MDM4: variants seen among roughly 807,000 people sequenced by gnomAD.
MDM4 encodes the protein MDM4 regulator of p53.
MDM4 carries 2 observed loss-of-function variants against 60.2 expected under a neutral mutation model. The ratio of observed to expected loss-of-function variants is 0.03; its 90% CI spans 0.01 to 0.10. The LOEUF is 0.10. Ranked by LOEUF, MDM4 falls within the 10% of genes least tolerant of loss-of-function variation. MDM4 has a pLI of 1.00. For synonymous variants in MDM4, 202 were observed against 198.1 expected (o/e 1.02, Z -0.17); for missense variants, 447 against 577.5 (o/e 0.77, Z 2.32).
chr1:204,539,523 T>G (rs572300354), intron 7 of MDM4, among the ~76,000 whole-genome samples: 1,969 of 148,584 alleles, frequency 0.013, 30 homozygotes, highest in Non-Finnish European at 0.018. Flanking sequence ...CTTGTTTTTT[T>G]TTTTTGTTTT....
Position 204,518,652 on chromosome 1 carries a change from G to C in MDM4, c.-36+2143G>C, listed in dbSNP as rs551711438. On this transcript the variant is annotated intron_variant, in intron 1 of 10. Transcript: ENST00000367182. Reference sequence around the variant, plus strand: ...TGGTGGAATGGTCAGCCTACTCCACGTGTTTTCTTTCCACCCCAACCTTTC... The same window carrying C: ...TGGTGGAATGGTCAGCCTACTCCACCTGTTTTCTTTCCACCCCAACCTTTC... Among the ~76,000 whole-genome samples, 9 of 152,228 alleles carry C rather than the reference G, an allele frequency of 5.9e-5. No homozygotes were observed. In the South Asian group the frequency reaches 1.9e-3, roughly 32 times the overall value.
At position 204,537,492 on chromosome 1, in the gene MDM4, C is replaced by T; in HGVS notation, c.406C>T (p.Leu136=). Residue 136 remains leucine, a synonymous_variant, in exon 6 of 11, where the codon CTG becomes TTG. Transcript: ENST00000367182. The stretch of plus-strand genomic sequence containing the variant: ...TATGGATATTCCAAGTCAAGACCAA[C>T]TGAAGGTAAAATCACCACACGGTGA... ...HSMDIPSQDQ[L]KQSAEESSTS... The T allele has an allele frequency of 6.2e-7, 1 of 1,612,222 alleles. No homozygotes were observed. The highest frequency in any genetic ancestry group is 8.5e-7 in the Non-Finnish European group (1 of 1,178,270).
At chr1:204,527,004 A>T (rs376754439) in intron 3 of MDM4, among the ~76,000 whole-genome samples, 1 of 152,152 alleles carries the variant, frequency 6.6e-6, no homozygotes, top group African/African-American at 2.4e-5. Context: ...AAAGATTAAA[A>T]AGACACTGGG....
Position 204,558,011 on chromosome 1 carries a change from A to G in MDM4, c.*8329A>G, listed in dbSNP as rs1663649002. On this transcript the variant is annotated 3_prime_UTR_variant, in exon 11 of 11. Transcript: ENST00000367182. ...TCTGCATTCTTGCCTAGTTTTCCTT[A>G]TAAGCACCACTAAGTTAATAGCTCT... 1.1e-5 allele frequency: 2 copies of G among 186,010 alleles called. No homozygotes were observed. Among genetic ancestry groups the G allele is most frequent in the South Asian group, 2.0e-4 (1 of 5,118 alleles). The allele number at this position is 186,010 out of a possible 1,614,324, so 11.5% of individuals were successfully genotyped here.
chr1:204,540,289 A>AG (rs1189312812), intron 7 of MDM4, among the ~76,000 whole-genome samples: 1 of 150,974 alleles, frequency 6.6e-6, no homozygotes, highest in Non-Finnish European at 1.5e-5. Context: ...TGTCTCAAAA[A>AG]AAAAACAAAA....
At position 204,550,575 on chromosome 1, in the gene MDM4, T is replaced by G. The variant is rs1663107896; in HGVS notation, c.*893T>G. 1.1e-5 allele frequency: 2 copies of G among 181,380 alleles called. No homozygotes were observed. The highest frequency in any genetic ancestry group is 1.3e-4 in the Admixed American group (2 of 15,932). 11.2% of individuals were successfully genotyped at this position (181,380 alleles called of 1,614,324 possible). On this transcript the variant is annotated 3_prime_UTR_variant, in exon 11 of 11. Coordinates refer to ENST00000367182, the MANE Select transcript of MDM4 (RefSeq NM_002393.5). ...ATATGTGCTTTAAAGTTTTTTTTTT[T>G]TTTTGAGAGACGGTCTCACTTTGTC...
rs61754765 is a variant in MDM4 at position 204,549,371 on chromosome 1, C to T, written c.1162C>T (p.Pro388Ser). The T allele has an allele frequency of 5.6e-6, 9 of 1,613,946 alleles. No homozygotes were observed. The African/African-American group carries it at 1.1e-4, about 19-fold the overall frequency. The stretch of plus-strand genomic sequence containing the variant: ...GAAAGAAAACTCCAAACTTTTTGAT[C>T]CCTGCAACTCAGTGGAATTCTTGGA... ...IKKENSKLFDPCNSVEFLDLA... is the reference protein window; with the variant it reads ...IKKENSKLFDSCNSVEFLDLA... The change falls in exon 11 of 11, where the codon CCC (proline) becomes TCC (serine). Residue 388 changes from proline to serine, a missense_variant. Around this residue, in one of 8 missense-constraint regions of MDM4, gnomAD observed 117 missense variants for 114.5 expected, o/e 1.02. Transcript: ENST00000367182.
In MDM4 at chr1:204,527,543, T is replaced by C. The variant is rs1000329478; in HGVS notation, c.153+1109T>C. Among the ~76,000 whole-genome samples the C allele has an allele frequency of 3.3e-5, 5 of 151,614 alleles. No individual in the cohort carries two copies. The East Asian group carries it at 5.8e-4, about 18-fold the overall frequency. On this transcript the variant is annotated intron_variant, in intron 3 of 10. Coordinates refer to ENST00000367182, the MANE Select transcript of MDM4 (RefSeq NM_002393.5). The stretch of plus-strand genomic sequence containing the variant: ...TTGTAATCCCAGCTACTTGGGAGGC[T>C]GAGGCAGGAGAATTTCTTGAACCTG...
Position 204,551,292 on chromosome 1 carries a change from T to C in MDM4, c.*1610T>C, listed in dbSNP as rs553761541. 7 of 228,380 alleles carry C rather than the reference T, an allele frequency of 3.1e-5. No individual in the cohort carries two copies. In the East Asian group the frequency reaches 4.4e-4, roughly 14 times the overall value. 14.1% of individuals were successfully genotyped at this position (228,380 alleles called of 1,614,324 possible). A position where few individuals can be genotyped will look rare whatever the true frequency, so the allele number is the denominator to read the frequency against. ...AACTTCTAGCCTCAAGCAACCCTCC[T>C]GCCTCAGCCTCTCAAAGTGCTAGGA... On this transcript the variant is annotated 3_prime_UTR_variant, in exon 11 of 11. Transcript: ENST00000367182.
intron 10 of MDM4, among the ~76,000 whole-genome samples, chr1:204,548,637 T>C (rs1365531840): frequency 2.6e-5 from 4 of 152,144 alleles, no homozygotes; most frequent in Non-Finnish European, 4.4e-5. Context: ...GCAATGAGAG[T>C]GCATGAGTAA....
At chr1:204,532,400 A>G (rs1660946869) in intron 5 of MDM4, 154 bp downstream of exon 5, 2 of 598,050 alleles carry the variant, frequency 3.3e-6, no homozygotes, top group African/African-American at 3.8e-5. Flanking sequence ...ATGTTATGTT[A>G]TTAACTTTTT....
rs1416276384 is a variant in MDM4, at chr1:204,555,173, T to TA, written c.*5492dup. 1 of 180,400 alleles carries TA rather than the reference T, an allele frequency of 5.5e-6. No homozygotes were observed. Among genetic ancestry groups the TA allele is most frequent in the African/African-American group, 2.4e-5 (1 of 42,182 alleles). 11.2% of individuals were successfully genotyped at this position (180,400 alleles called of 1,614,324 possible). Reference sequence around the variant, plus strand: ...CTCTCCATTTCTTTTTTTTTTTTTTTAGACGGAGTCTCTCTCTGTCGCCCC... The same window carrying TA: ...CTCTCCATTTCTTTTTTTTTTTTTTTAAGACGGAGTCTCTCTCTGTCGCCCC... On this transcript the variant is annotated 3_prime_UTR_variant, in exon 11 of 11. Transcript: ENST00000367182.
chr1:204,557,674 T>C lies in MDM4; in HGVS notation c.*7992T>C, dbSNP rs865901306. ...GCCTTGGCCTCCCAAAGTACTGGGATTACAGGCGTGAGCAACTGCTCCTGG... is the reference window on the plus strand; with the variant it reads ...GCCTTGGCCTCCCAAAGTACTGGGACTACAGGCGTGAGCAACTGCTCCTGG... On this transcript the variant is annotated 3_prime_UTR_variant, in exon 11 of 11. Transcript: ENST00000367182. The C allele has an allele frequency of 1.1e-5, 2 of 179,160 alleles. No individual in the cohort carries two copies. Among genetic ancestry groups the C allele is most frequent in the Non-Finnish European group, 2.4e-5 (2 of 83,514 alleles). The allele number at this position is 179,160 out of a possible 1,614,324, so 11.1% of individuals were successfully genotyped here. A position where few individuals can be genotyped will look rare whatever the true frequency, so the allele number is the denominator to read the frequency against.
chr1:204,539,306 G>A (rs1487726070), intron 7 of MDM4, among the ~76,000 whole-genome samples: 2 of 151,902 alleles, frequency 1.3e-5, no homozygotes, highest in Non-Finnish European at 2.9e-5. Context: ...ACATTTTGAA[G>A]TTTGCAAAGA....
intron 1 of MDM4, among the ~76,000 whole-genome samples, chr1:204,524,368 C>A (rs965469489): frequency 6.6e-6 from 1 of 152,180 alleles, no homozygotes; most frequent in Non-Finnish European, 1.5e-5. Context: ...CTGCACCTGG[C>A]CTATTCTAGT....
At chr1:204,525,726 G>A (rs147378516) in intron 2 of MDM4, 130 bp downstream of exon 2, 2 of 632,016 alleles carry the variant, frequency 3.2e-6, no homozygotes, top group African/African-American at 1.9e-5. Context: ...GAAGCCAGGT[G>A]TTTGAGACCA....
At chr1:204,543,362 G>A (rs770654895) in intron 8 of MDM4, among the ~76,000 whole-genome samples, 12 of 152,208 alleles carry the variant, frequency 7.9e-5, no homozygotes, top group South Asian at 6.2e-4. Flanking sequence ...TTAGCCAGGC[G>A]TGGTGGCGTG....
At chr1:204,530,137 A>G (rs1196403950) in intron 3 of MDM4, among the ~76,000 whole-genome samples, 1 of 152,176 alleles carries the variant, frequency 6.6e-6, no homozygotes, top group Non-Finnish European at 1.5e-5. Context: ...TGGCCTCCCA[A>G]AGTGCTGGGA....
intron 9 of MDM4, among the ~76,000 whole-genome samples, chr1:204,545,369 C>G (rs1230992706): frequency 6.6e-6 from 1 of 152,096 alleles, no homozygotes; most frequent in Non-Finnish European, 1.5e-5. Flanking sequence ...ATGAAGTACT[C>G]ATGTGTATGG....
Sources: gnomAD v4.1 joint callset for allele counts (sites outside exome capture counted in the v4.1 genomes callset) on GRCh38, gnomAD v4.1.1 for gene constraint, gnomAD v4.1.1 regional missense constraint, MANE v1.5 for transcripts, NCBI Gene and HGNC (gene_info 2026-07-23, HGNC 2026-07-21) for gene names.